The following GALNT2 variants were observed in gnomAD, a reference collection of about 807,000 sequenced individuals.
GALNT2 encodes UDP-GalNAc:polypeptide N-acetylgalactosaminyltransferase 2.
In GALNT2, 31 loss-of-function variants were observed where a neutral mutation model predicts 81.4. The observed-to-expected ratio is 0.38, with a 90% CI of 0.29 to 0.51. The LOEUF is 0.51. GALNT2 is among the 20% of genes least tolerant of loss of function. GALNT2 has a pLI of 0.87. For missense variants in GALNT2, 629 were observed against 765.7 expected (o/e 0.82, Z 2.11); for synonymous variants, 303 against 287.4 (o/e 1.05, Z -0.55).
chr1:230,191,709 C>T (rs930840958), intron 2 of GALNT2, among the ~76,000 whole-genome samples: 3 of 152,214 alleles, frequency 2.0e-5, no homozygotes, highest in African/African-American at 2.4e-5. Context: ...GACAGCATCT[C>T]GCTATGTTCC....
chr1:230,229,504 C>T (rs1664809965), intron 3 of GALNT2, among the ~76,000 whole-genome samples: 1 of 152,168 alleles, frequency 6.6e-6, no homozygotes, highest in Non-Finnish European at 1.5e-5. Context: ...GGTCCAGCCA[C>T]TTGAGATTAA....
chr1:230,237,245 T>C (rs1253157360), intron 6 of GALNT2, among the ~76,000 whole-genome samples: 2 of 152,228 alleles, frequency 1.3e-5, no homozygotes, highest in Non-Finnish European at 2.9e-5. Flanking sequence ...GAGGACTCTT[T>C]TATTGGCAGT....
intron 12 of GALNT2, 127 bp downstream of exon 12, chr1:230,262,792 C>T: frequency 7.7e-7 from 1 of 1,292,898 alleles, no homozygotes; most frequent in South Asian, 1.2e-5. Flanking sequence ...GTTGTGGGCA[C>T]AGGAGCATGG....
intron 1 of GALNT2, among the ~76,000 whole-genome samples, chr1:230,135,804 C>G (rs929342353): frequency 9.2e-5 from 14 of 152,002 alleles, no homozygotes; most frequent in African/African-American, 2.9e-4. Context: ...TCTTGCTTCA[C>G]CCTCCTAAGT....
intron 1 of GALNT2, among the ~76,000 whole-genome samples, chr1:230,132,827 G>T (rs1661409221): frequency 6.6e-6 from 1 of 152,116 alleles, no homozygotes; most frequent in Admixed American, 6.5e-5. Context: ...TGTTCCTTTT[G>T]CCCTGGAATT....
chr1:230,191,462 A>G (rs1663522249), intron 2 of GALNT2, among the ~76,000 whole-genome samples: 1 of 152,184 alleles, frequency 6.6e-6, no homozygotes. Context: ...TTCTCTTTTT[A>G]TTTGAGACTT....
chr1:230,258,260 G>A (rs1186872906), intron 11 of GALNT2, among the ~76,000 whole-genome samples: 3 of 143,700 alleles, frequency 2.1e-5, no homozygotes, highest in African/African-American at 7.8e-5. Context: ...ACGGAGTTTC[G>A]ATCTCGTTGC....
chr1:230,122,093 C>T (rs555182542), intron 1 of GALNT2, among the ~76,000 whole-genome samples: 22 of 151,986 alleles, frequency 1.4e-4, no homozygotes, highest in African/African-American at 4.6e-4. Context: ...TTCACCCTTC[C>T]TCCTGAGCGG....
chr1:230,081,707 T>C (rs567818790), intron 1 of GALNT2, among the ~76,000 whole-genome samples: 1 of 152,296 alleles, frequency 6.6e-6, no homozygotes, highest in East Asian at 1.9e-4. Flanking sequence ...TTAAGACAAC[T>C]CACAACTGGA....
At chr1:230,185,822 G>T (rs1310366210) in intron 2 of GALNT2, among the ~76,000 whole-genome samples, 1 of 152,142 alleles carries the variant, frequency 6.6e-6, no homozygotes, top group African/African-American at 2.4e-5. Context: ...CCCATGACTG[G>T]GTCCCCCTGG....
At chr1:230,204,333 T>G (rs1273284615) in intron 3 of GALNT2, among the ~76,000 whole-genome samples, 1 of 152,044 alleles carries the variant, frequency 6.6e-6, no homozygotes, top group African/African-American at 2.4e-5. Flanking sequence ...CACACCTGAC[T>G]AATTTTTGTA....
intron 1 of GALNT2, among the ~76,000 whole-genome samples, chr1:230,139,735 T>C (rs1661668762): frequency 6.6e-6 from 1 of 152,244 alleles, no homozygotes; most frequent in South Asian, 2.1e-4. Flanking sequence ...TGCCGTTGCA[T>C]GGACTAAGGG....
At chr1:230,066,915 G>C (rs1659198678), upstream of GALNT2, among the ~76,000 whole-genome samples, 1 of 151,096 alleles carries the variant, frequency 6.6e-6, no homozygotes, top group Non-Finnish European at 1.5e-5. Context: ...CCGGGGGCGG[G>C]GCGGCGCCCA....
rs56098039 is a variant in GALNT2, at chr1:230,263,472, C to T, written c.1313+467C>T. 954 of 157,922 alleles carry T rather than the reference C, an allele frequency of 6.0e-3. 2 individuals carry two copies. Among genetic ancestry groups the T allele is most frequent in the Non-Finnish European group, 8.7e-3 (627 of 71,682 alleles). 9.8% of individuals were successfully genotyped at this position (157,922 alleles called of 1,614,324 possible). ...GCTCCTGTGGGCCAGCAGATAACAG[C>T]CCCCACGAGGCTCCCTCCTCCCAGC... On this transcript the variant is annotated intron_variant, in intron 13 of 15. Coordinates refer to ENST00000366672, the MANE Select transcript of GALNT2 (RefSeq NM_004481.5).
chr1:230,251,217 T>C lies in GALNT2; in HGVS notation c.1009+657T>C, dbSNP rs568151155. On this transcript the variant is annotated intron_variant, in intron 10 of 15. Coordinates refer to ENST00000366672, the MANE Select transcript of GALNT2 (RefSeq NM_004481.5). ...GAGTGGGGGAGATCTTTTTTGCTTG[T>C]TTCAATTAAAGCCTTTTGTTTCAAA... Among the ~76,000 whole-genome samples the C allele has an allele frequency of 1.8e-4, 27 of 152,296 alleles. No homozygotes were observed. The South Asian group carries it at 5.4e-3, about 30-fold the overall frequency.
upstream of GALNT2, among the ~76,000 whole-genome samples, chr1:230,066,074 T>G (rs1659166509): frequency 6.6e-6 from 1 of 152,274 alleles, no homozygotes; most frequent in African/African-American, 2.4e-5. Context: ...TCTACTTAAG[T>G]AATTTAATGT....
At chr1:230,132,865 T>A (rs576951089) in intron 1 of GALNT2, among the ~76,000 whole-genome samples, 1 of 152,306 alleles carries the variant, frequency 6.6e-6, no homozygotes, top group South Asian at 2.1e-4. Context: ...GATGAGAGGG[T>A]AACATTCTTC....
intron 14 of GALNT2, among the ~76,000 whole-genome samples, chr1:230,266,512 GA>G: frequency 6.6e-6 from 1 of 152,188 alleles, no homozygotes; most frequent in East Asian, 1.9e-4. Context: ...AAGTATTTTT[GA>G]AAGGGGGCAT....
intron 1 of GALNT2, among the ~76,000 whole-genome samples, chr1:230,129,917 C>G (rs1661312802): frequency 6.6e-6 from 1 of 152,246 alleles, no homozygotes; most frequent in African/African-American, 2.4e-5. Context: ...CTCCGCAGAG[C>G]AGGCATTGCT....
Sources: allele counts gnomAD v4.1 joint callset (sites outside exome capture counted in the v4.1 genomes callset), GRCh38; gene constraint gnomAD v4.1.1; transcripts MANE v1.5; gene names NCBI Gene and HGNC (gene_info 2026-07-23, HGNC 2026-07-21).